The following RND1 variants were observed in gnomAD, a reference collection of about 807,000 sequenced individuals.
RND1 encodes rho-related GTP-binding protein Rho6.
A neutral mutation model predicts 27.1 loss-of-function variants in RND1; 9 were observed. That is an observed-to-expected ratio of 0.33 (90% CI 0.20 to 0.58). The LOEUF is 0.58. Ranked by LOEUF, RND1 falls within the 20% of genes least tolerant of loss-of-function variation. RND1 has a pLI of 0.86. For missense variants in RND1, 253 were observed against 292.2 expected (o/e 0.87, Z 0.98); for synonymous variants, 108 against 115.7 (o/e 0.93, Z 0.43).
Position 48,861,970 on chromosome 12 carries a change from C to T in RND1, c.318+39G>A, listed in dbSNP as rs778556480. On this transcript the variant is annotated intron_variant, in intron 3 of 4. Transcript: ENST00000309739. ...AAGGTCCCGATTCCTTCTTGGTCCTCATGCTGAGTTAGAGATTAGAGAGTT... is the reference window on the plus strand; with the variant it reads ...AAGGTCCCGATTCCTTCTTGGTCCTTATGCTGAGTTAGAGATTAGAGAGTT... 34 of 1,178,058 alleles carry T rather than the reference C, an allele frequency of 2.9e-5. 1 individual carries two copies. Among genetic ancestry groups the T allele is most frequent in the Non-Finnish European group, 4.0e-5 (31 of 783,116 alleles). 73.0% of individuals were successfully genotyped at this position (1,178,058 alleles called of 1,614,324 possible).
At chr12:48,864,955 A>G in intron 1 of RND1, 85 bp from the exon 2 acceptor site, 1 of 995,570 alleles carries the variant, frequency 1.0e-6, no homozygotes, top group Non-Finnish European at 1.6e-6. Context: ...CACTCACCAG[A>G]GAGACAGTAA....
At position 48,858,214 on chromosome 12, in the gene RND1, C is replaced by T. The variant is rs1252510894; in HGVS notation, c.481G>A (p.Ala161Thr). Reference sequence around the variant, plus strand: ...GCTGAGCCTTCCAGGTAGATTTCTGCACCCAGCTGCTTTGCTATTGCACAA... The same window carrying T: ...GCTGAGCCTTCCAGGTAGATTTCTGTACCCAGCTGCTTTGCTATTGCACAA... ...QGCAIAKQLG[A>T]EIYLEGSAFT... The change falls in exon 5 of 5, where the codon GCA becomes ACA. Residue 161 changes from alanine (A) to threonine (T), a missense_variant. By Grantham distance (58) the Ala-to-Thr change is moderately conservative. Transcript: ENST00000309739. 8 of 1,614,004 alleles carry T rather than the reference C, an allele frequency of 5.0e-6. No homozygotes were observed. In the East Asian group the frequency reaches 1.3e-4, roughly 27 times the overall value.
At chr12:48,860,553 AG>A (rs1938906207) in intron 4 of RND1, among the ~76,000 whole-genome samples, 1 of 128,390 alleles carries the variant, frequency 7.8e-6, no homozygotes. Flanking sequence ...CACCACACCC[AG>A]CTATTTTTTT....
Position 48,857,831 on chromosome 12 carries a change from G to A in RND1, c.*165C>T. 1.3e-6 allele frequency: 1 copy of A among 740,802 alleles called. No individual in the cohort carries two copies. Among genetic ancestry groups the A allele is most frequent in the African/African-American group, 1.8e-5 (1 of 55,358 alleles). 45.9% of individuals were successfully genotyped at this position (740,802 alleles called of 1,614,324 possible). A position where few individuals can be genotyped will look rare whatever the true frequency, so the allele number is the denominator to read the frequency against. ...CTCTCAGCGTCAGGTCCTCATGCCG[G>A]GCCTGGCTCCTTCCTCGCCCCATTC... On this transcript the variant is annotated 3_prime_UTR_variant, in exon 5 of 5. Coordinates refer to ENST00000309739, the MANE Select transcript of RND1 (RefSeq NM_014470.4).
chr12:48,861,028 TG>T lies in RND1; in HGVS notation c.421del (p.His141ThrfsTer15). The T allele has an allele frequency of 6.2e-7, 1 of 1,613,924 alleles. No homozygotes were observed. Among genetic ancestry groups the T allele is most frequent in the Non-Finnish European group, 8.5e-7 (1 of 1,180,048 alleles). ...ATAGGAGATGGGCGCCTGCTTCTGG[TG>T]GGACAGCTCCATCAGAGTACTCAGG... Reference protein sequence around the residue: ...TDLSTLMELSHQKQAPISYEQ... With the variant: ...TDLSTLMELSXQKQAPISYEQ... On this transcript the variant is annotated frameshift_variant, in exon 4 of 5. Coordinates refer to ENST00000309739, the MANE Select transcript of RND1 (RefSeq NM_014470.4). LOFTEE classifies it high-confidence loss of function.
chr12:48,858,989 C>G (rs1311138176), intron 4 of RND1: 2 of 142,976 alleles, frequency 1.4e-5, no homozygotes, highest in African/African-American at 5.1e-5. Context: ...GAAACAGTCT[C>G]GCTCTGTTGC....
intron 4 of RND1, among the ~76,000 whole-genome samples, chr12:48,859,581 G>A (rs1005821783): frequency 6.6e-6 from 1 of 151,764 alleles, no homozygotes; most frequent in African/African-American, 2.4e-5. Context: ...TTATCCAGGG[G>A]TCTTATAAAA....
intron 2 of RND1, among the ~76,000 whole-genome samples, chr12:48,863,694 C>A (rs891539846): frequency 2.0e-5 from 3 of 152,062 alleles, no homozygotes; most frequent in African/African-American, 7.2e-5. Flanking sequence ...GTCTGTCTAA[C>A]CATTCCCTAG....
In RND1 at chr12:48,864,416, T is replaced by TGTGTGTGTGTGTGCGCGCGC. The variant is rs141121524; in HGVS notation, c.208+366_208+367insGCGCGCGCACACACACACAC. Among the ~76,000 whole-genome samples the TGTGTGTGTGTGTGCGCGCGC allele has an allele frequency of 6.1e-4, 83 of 135,548 alleles. 1 individual carries two copies. The highest frequency in any genetic ancestry group is 2.2e-3 in the African/African-American group (82 of 36,852). The allele number at this position is 135,548 out of a possible 152,430, so 88.9% of individuals were successfully genotyped here. A position where few individuals can be genotyped will look rare whatever the true frequency, so the allele number is the denominator to read the frequency against. On this transcript the variant is annotated intron_variant, in intron 2 of 4. Transcript: ENST00000309739. ...GTGTGTGTGTGTGTGTGTGTGTGTG[T>TGTGTGTGTGTGTGCGCGCGC]GCGCGCGCGCGCGTGTGTGTGCATG...
chr12:48,857,792 G>A lies in RND1; in HGVS notation c.*204C>T, dbSNP rs912835710. On this transcript the variant is annotated 3_prime_UTR_variant, in exon 5 of 5. Coordinates refer to ENST00000309739, the MANE Select transcript of RND1 (RefSeq NM_014470.4). ...CTCCAAAATCTAGTGCCTGGCTTGG[G>A]GTATGATGGTTCTCTCTCAGCGTCA... The A allele has an allele frequency of 5.6e-5, 29 of 514,430 alleles. No individual in the cohort carries two copies. The highest frequency in any genetic ancestry group is 9.5e-5 in the Non-Finnish European group (29 of 306,870). The allele number at this position is 514,430 out of a possible 1,614,324, so 31.9% of individuals were successfully genotyped here.
At position 48,860,999 on chromosome 12, in the gene RND1, G is replaced by C. The variant is rs1482097870; in HGVS notation, c.451C>G (p.Gln151Glu). Residue 151 changes from glutamine (Q) to glutamate (E), a missense_variant and splice_region_variant, in exon 4 of 5, where the codon CAG becomes GAG. By Grantham distance (29) the Gln-to-Glu change is conservative. Transcript: ENST00000309739. ...CATGCACTTGCATGCGCACACACCT[G>C]CTCATAGGAGATGGGCGCCTGCTTC... is the stretch of plus-strand genomic sequence containing the variant. ...HQKQAPISYE[Q>E]GCAIAKQLGA... The C allele has an allele frequency of 3.1e-6, 5 of 1,613,298 alleles. No homozygotes were observed. Among genetic ancestry groups the C allele is most frequent in the Admixed American group, 3.3e-5 (2 of 60,024 alleles).
chr12:48,865,577 G>T, intron 1 of RND1, 71 bp downstream of exon 1: 2 of 1,524,732 alleles, frequency 1.3e-6, no homozygotes, highest in Non-Finnish European at 1.8e-6. Flanking sequence ...CGTCTCCTGA[G>T]CAGGTGGAAA....
chr12:48,865,561 G>C, intron 1 of RND1, 87 bp downstream of exon 1: 1 of 1,464,286 alleles, frequency 6.8e-7, no homozygotes, highest in Non-Finnish European at 9.3e-7. Flanking sequence ...GGGGCTGGGG[G>C]AGCCACGTCT....
At chr12:48,863,278 G>C (rs537688654) in intron 2 of RND1, among the ~76,000 whole-genome samples, 2 of 152,294 alleles carry the variant, frequency 1.3e-5, no homozygotes, top group East Asian at 3.9e-4. Context: ...TAATCTGAAA[G>C]AGGGAGTTTG....
Position 48,865,639 on chromosome 12 carries a change from G to A in RND1, c.120+9C>T, listed in dbSNP as rs1170121555. 6.2e-7 allele frequency: 1 copy of A among 1,609,990 alleles called. No individual in the cohort carries two copies. Among genetic ancestry groups the A allele is most frequent in the East Asian group, 2.2e-5 (1 of 44,704 alleles). On this transcript the variant is annotated intron_variant, in intron 1 of 4. Transcript: ENST00000309739. ...GAAAAGCCGGCCAGCGGGCGGGCGG[G>A]CAGCTCACCTCTGGATAGCAATCCT...
intron 1 of RND1, 61 bp downstream of exon 1, chr12:48,865,587 A>AT (rs1938976068): frequency 1.9e-6 from 3 of 1,554,084 alleles, no homozygotes; most frequent in Middle Eastern, 1.7e-4. Flanking sequence ...GCAGGTGGAA[A>AT]TCTACCCCAA....
At chr12:48,859,464 C>G (rs947313050) in intron 4 of RND1, among the ~76,000 whole-genome samples, 2 of 151,902 alleles carry the variant, frequency 1.3e-5, no homozygotes, top group Admixed American at 6.6e-5. Context: ...CTCTTGAACC[C>G]GGGAGGCAGA....
chr12:48,865,835 C>T lies in RND1; in HGVS notation c.-68G>A. ...GGGTTGCGCCAGGTGCGTCTCAGCA[C>T]GCCAATCAAGCCAGATTCCCTGCCT... On this transcript the variant is annotated 5_prime_UTR_variant, in exon 1 of 5. In the 5' UTR this introduces an upstream ATG that the reference lacks. Coordinates refer to ENST00000309739, the MANE Select transcript of RND1 (RefSeq NM_014470.4). 1.3e-6 allele frequency: 2 copies of T among 1,526,128 alleles called. No individual in the cohort carries two copies. The highest frequency in any genetic ancestry group is 4.6e-5 in the East Asian group (2 of 43,100). The allele number at this position is 1,526,128 out of a possible 1,614,324, so 94.5% of individuals were successfully genotyped here.
chr12:48,864,873 G>C lies in RND1; in HGVS notation c.121-3C>G. On this transcript the variant is annotated splice_region_variant and splice_polypyrimidine_tract_variant and intron_variant, in intron 1 of 4. Coordinates refer to ENST00000309739, the MANE Select transcript of RND1 (RefSeq NM_014470.4). ...TCGAACACGGTGGGCACATAGGTCT[G>C]TGAAAAGAGAGGAAACATTCACCCC... 1 of 1,611,202 alleles carries C rather than the reference G, an allele frequency of 6.2e-7. No homozygotes were observed. Among genetic ancestry groups the C allele is most frequent in the African/African-American group, 1.3e-5 (1 of 74,944 alleles).
Sources: gnomAD v4.1 joint callset for allele counts (sites outside exome capture counted in the v4.1 genomes callset) on GRCh38, gnomAD v4.1.1 for gene constraint, MANE v1.5 for transcripts, NCBI Gene and HGNC (gene_info 2026-07-23, HGNC 2026-07-21) for gene names.